SLC25A36: variants seen among roughly 807,000 people sequenced by gnomAD.
SLC25A36 encodes the protein solute carrier family 25 member 36, also known as epididymis secretory sperm binding protein.
SLC25A36 carries 24 observed loss-of-function variants against 35.3 expected under a neutral mutation model. The observed-to-expected ratio is 0.68, with a 90% CI of 0.49 to 0.96. The LOEUF (loss-of-function observed/expected upper bound fraction) is 0.96. Ranked by LOEUF, SLC25A36 falls within the 40% of genes least tolerant of loss-of-function variation. SLC25A36 has a pLI of 0.00. For missense variants in SLC25A36, 294 were observed against 381.1 expected, an observed-to-expected ratio of 0.77 and a Z score of 1.90; for synonymous variants, 141 against 132.2, an observed-to-expected ratio of 1.07 and a Z score of -0.46.
rs1040603552 is a variant in SLC25A36, at chr3:140,979,202, T to G, written c.*2749T>G. ...ACTTTGAAGTCAGGATAGAATATCATTAGATTATCTGTGAGATAGCATTAC... is the reference window on the plus strand; with the variant it reads ...ACTTTGAAGTCAGGATAGAATATCAGTAGATTATCTGTGAGATAGCATTAC... On this transcript the variant is annotated 3_prime_UTR_variant, in exon 7 of 7. Transcript: ENST00000324194. 5.3e-5 allele frequency: 8 copies of G among 152,188 alleles called. No individual in the cohort carries two copies. The highest frequency in any genetic ancestry group is 1.3e-4 in the Admixed American group (2 of 15,274). 9.4% of individuals were successfully genotyped at this position (152,188 alleles called of 1,614,324 possible).
At chr3:140,943,526 T>C (rs1934078853) in intron 1 of SLC25A36, among the ~76,000 whole-genome samples, 1 of 152,244 alleles carries the variant, frequency 6.6e-6, no homozygotes, top group Non-Finnish European at 1.5e-5. Flanking sequence ...AAAAATTCTG[T>C]AGCTATGTAG....
chr3:140,942,166 AG>A, intron 1 of SLC25A36, 71 bp downstream of exon 1: 1 of 66,592 alleles, frequency 1.5e-5, no homozygotes, highest in Non-Finnish European at 2.8e-5. Context: ...GAGGGGGGCG[AG>A]GGGGGCCGAG....
At chr3:140,964,780 TATATC>T (rs1934718247) in intron 4 of SLC25A36, 2 of 152,026 alleles carry the variant, frequency 1.3e-5, no homozygotes, top group Middle Eastern at 3.4e-3. Context: ...TGATATTTGT[TATATC>T]AGTATAGCAA....
At chr3:140,948,027 C>T (rs1286662209) in intron 1 of SLC25A36, among the ~76,000 whole-genome samples, 3 of 152,170 alleles carry the variant, frequency 2.0e-5, no homozygotes, top group Non-Finnish European at 4.4e-5. Flanking sequence ...GATCTCGGCT[C>T]ACTGCAACCT....
At position 140,979,479 on chromosome 3, in the gene SLC25A36, A is replaced by C. The variant is rs1246480621; in HGVS notation, c.*3026A>C. 4 of 152,204 alleles carry C rather than the reference A, an allele frequency of 2.6e-5. No individual in the cohort carries two copies. The allele number at this position is 152,204 out of a possible 1,614,324, so 9.4% of individuals were successfully genotyped here. On this transcript the variant is annotated 3_prime_UTR_variant, in exon 7 of 7. Transcript: ENST00000324194. Reference sequence around the variant, plus strand: ...GACCCCCTTTGGAGCTGATAAGTACAGTTCAGCCTTTTCTCCTCAAATATA... The same window carrying C: ...GACCCCCTTTGGAGCTGATAAGTACCGTTCAGCCTTTTCTCCTCAAATATA...
In SLC25A36 at chr3:140,973,892, C is replaced by T; in HGVS notation, c.629C>T (p.Ala210Val). ...CAAAAACTACTGGAATATAAGACTG[C>T]TTCTACAATGGAAAATGATGAAGAG... Reference protein sequence around the residue: ...IKQKLLEYKTASTMENDEESV... With the variant: ...IKQKLLEYKTVSTMENDEESV... Residue 210 changes from alanine to valine, a missense_variant, in exon 6 of 7, where the codon GCT becomes GTT. Transcript: ENST00000324194. 6.2e-7 allele frequency: 1 copy of T among 1,613,052 alleles called. No homozygotes were observed. Among genetic ancestry groups the T allele is most frequent in the Non-Finnish European group, 8.5e-7 (1 of 1,179,368 alleles).
rs1430660624 is a variant in SLC25A36 at position 140,979,233 on chromosome 3, T to G, written c.*2780T>G. On this transcript the variant is annotated 3_prime_UTR_variant, in exon 7 of 7. Coordinates refer to ENST00000324194, the MANE Select transcript of SLC25A36 (RefSeq NM_001104647.3). ...TATCTGTGAGATAGCATTACTATGT[T>G]AGGACCAGCAGAGTTTGGGTTGGTA... is the stretch of plus-strand genomic sequence containing the variant. 1 of 152,180 alleles carries G rather than the reference T, an allele frequency of 6.6e-6. No individual in the cohort carries two copies. The highest frequency in any genetic ancestry group is 2.4e-5 in the African/African-American group (1 of 41,464). The allele number at this position is 152,180 out of a possible 1,614,324, so 9.4% of individuals were successfully genotyped here. A position where few individuals can be genotyped will look rare whatever the true frequency, so the allele number is the denominator to read the frequency against.
rs1576484155 is a variant in SLC25A36 at position 140,963,245 on chromosome 3, T to C, written c.385+18T>C. 2.6e-6 allele frequency: 3 copies of C among 1,176,362 alleles called. No individual in the cohort carries two copies. The allele number at this position is 1,176,362 out of a possible 1,614,324, so 72.9% of individuals were successfully genotyped here. On this transcript the variant is annotated intron_variant, in intron 4 of 6. Coordinates refer to ENST00000324194, the MANE Select transcript of SLC25A36 (RefSeq NM_001104647.3). Reference sequence around the variant, plus strand: ...AATGGCAGGTATGAATGTATAATATTAAAAAAAAAAAAAACTTTCTGAAAC... The same window carrying C: ...AATGGCAGGTATGAATGTATAATATCAAAAAAAAAAAAAACTTTCTGAAAC...
intron 1 of SLC25A36, among the ~76,000 whole-genome samples, chr3:140,943,308 A>C (rs952311767): frequency 6.6e-5 from 10 of 152,098 alleles, no homozygotes; most frequent in Non-Finnish European, 1.3e-4. Flanking sequence ...GGACATATGG[A>C]CTCTATTGAG....
intron 1 of SLC25A36, among the ~76,000 whole-genome samples, chr3:140,943,961 C>T (rs915076168): frequency 5.5e-5 from 8 of 146,394 alleles, no homozygotes; most frequent in South Asian, 2.1e-4. Flanking sequence ...ATCCCCTCCC[C>T]CCCAGTCTAG....
At chr3:140,962,596 A>G (rs1934657192) in intron 3 of SLC25A36, among the ~76,000 whole-genome samples, 1 of 152,126 alleles carries the variant, frequency 6.6e-6, no homozygotes, top group South Asian at 2.1e-4. Flanking sequence ...AAAATTGTTT[A>G]GCATATACTT....
chr3:140,972,590 T>C (rs924094970), intron 5 of SLC25A36, among the ~76,000 whole-genome samples: 2 of 151,510 alleles, frequency 1.3e-5, no homozygotes, highest in African/African-American at 4.9e-5. Context: ...GAGCCATGAT[T>C]GCACCATGGA....
chr3:140,978,653 G>A lies in SLC25A36; in HGVS notation c.*2200G>A, dbSNP rs189597441. The A allele has an allele frequency of 6.6e-6, 1 of 152,182 alleles. No individual in the cohort carries two copies. Among genetic ancestry groups the A allele is most frequent in the East Asian group, 1.9e-4 (1 of 5,186 alleles). The allele number at this position is 152,182 out of a possible 1,614,324, so 9.4% of individuals were successfully genotyped here. A position where few individuals can be genotyped will look rare whatever the true frequency, so the allele number is the denominator to read the frequency against. On this transcript the variant is annotated 3_prime_UTR_variant, in exon 7 of 7. Transcript: ENST00000324194. ...GTTGACCTTTAGTGCATTATATTCA[G>A]CTTTTAACAGTATTATGTATGTACT...
At chr3:140,967,605 T>C (rs1934794275) in intron 4 of SLC25A36, among the ~76,000 whole-genome samples, 2 of 151,894 alleles carry the variant, frequency 1.3e-5, no homozygotes, top group African/African-American at 2.4e-5. Context: ...GTACTGAAAA[T>C]GCAACACTAC....
At chr3:140,944,583 C>G (rs1934113093) in intron 1 of SLC25A36, among the ~76,000 whole-genome samples, 1 of 152,110 alleles carries the variant, frequency 6.6e-6, no homozygotes, top group Admixed American at 6.5e-5. Flanking sequence ...TGTACATTGT[C>G]TAGTTATTGT....
chr3:140,959,453 T>C lies in SLC25A36; in HGVS notation c.207-10T>C. 1 of 1,469,858 alleles carries C rather than the reference T, an allele frequency of 6.8e-7. No homozygotes were observed. The highest frequency in any genetic ancestry group is 9.1e-7 in the Non-Finnish European group (1 of 1,104,794). The allele number at this position is 1,469,858 out of a possible 1,614,324, so 91.1% of individuals were successfully genotyped here. On this transcript the variant is annotated splice_polypyrimidine_tract_variant and intron_variant, in intron 2 of 6. Transcript: ENST00000324194. ...GATATTTCTGATAGAATTTTTTTTC[T>C]CTCTTTCAGGGTGATCTTGGAAAAA...
At chr3:140,942,455 C>T in intron 1 of SLC25A36, 1 of 187,376 alleles carries the variant, frequency 5.3e-6, no homozygotes, top group Non-Finnish European at 1.1e-5. Context: ...GAGCTGGGGT[C>T]GGCGCTTGAT....
chr3:140,968,609 G>T, intron 4 of SLC25A36: 3 of 944,256 alleles, frequency 3.2e-6, no homozygotes, highest in Non-Finnish European at 3.8e-6. Flanking sequence ...TCTTTAAAAG[G>T]TTTTGTTCCT....
intron 5 of SLC25A36, among the ~76,000 whole-genome samples, chr3:140,971,697 G>C (rs1934907429): frequency 1.3e-5 from 2 of 152,024 alleles, no homozygotes; most frequent in Non-Finnish European, 2.9e-5. Flanking sequence ...TGCTGCGTAG[G>C]GTCTTGCCAT....
Sources: allele counts gnomAD v4.1 joint callset (sites outside exome capture counted in the v4.1 genomes callset), GRCh38; gene constraint gnomAD v4.1.1; transcripts MANE v1.5; gene names NCBI Gene and HGNC (gene_info 2026-07-23, HGNC 2026-07-21).